NBEA: variants seen among roughly 807,000 people sequenced by gnomAD.
The protein encoded by NBEA is neurobeachin.
Under a neutral mutation model 343.4 loss-of-function variants are expected in NBEA, and 44 were observed. That is an observed-to-expected ratio of 0.13 (90% CI 0.10 to 0.16). The LOEUF (loss-of-function observed/expected upper bound fraction) is 0.16, where lower values mean the gene tolerates loss of function less well. Among genes scored for constraint, NBEA ranks in the 10% least tolerant of loss-of-function variants. NBEA has a pLI of 1.00. For synonymous variants in NBEA, 1,175 were observed against 1,238.7 expected (o/e 0.95, Z 1.08); for missense variants, 2,555 against 3,631.3 (o/e 0.70, Z 7.62).
At chr13:35,003,301 T>G (rs1286125223) in intron 1 of NBEA, among the ~76,000 whole-genome samples, 1 of 152,096 alleles carries the variant, frequency 6.6e-6, no homozygotes, top group Non-Finnish European at 1.5e-5. Context: ...GAGAATTGAT[T>G]ATGCGGTGCA....
intron 38 of NBEA, among the ~76,000 whole-genome samples, chr13:35,416,547 T>G (rs527884481): frequency 6.6e-6 from 1 of 152,310 alleles, no homozygotes; most frequent in East Asian, 1.9e-4. Context: ...TTTATTGATT[T>G]GGGTATGTTG....
At chr13:35,633,063 T>G (rs2083530876) in intron 49 of NBEA, among the ~76,000 whole-genome samples, 1 of 151,560 alleles carries the variant, frequency 6.6e-6, no homozygotes, top group African/African-American at 2.4e-5. Context: ...ACATTCCCAA[T>G]TAAAAACCAT....
intron 53 of NBEA, among the ~76,000 whole-genome samples, chr13:35,652,572 C>T (rs145268506): frequency 0.13 from 18,576 of 140,384 alleles, 1,317 homozygotes; most frequent in South Asian, 0.2. Context: ...ACCTGGGAGG[C>T]GGAGCTTGCA....
intron 33 of NBEA, among the ~76,000 whole-genome samples, chr13:35,226,509 A>T (rs919881374): frequency 1.3e-5 from 2 of 152,136 alleles, no homozygotes; most frequent in Non-Finnish European, 2.9e-5. Context: ...TGTTATTATT[A>T]CAATTTTCCT....
At chr13:35,444,305 C>G (rs1246072916) in intron 39 of NBEA, among the ~76,000 whole-genome samples, 1 of 151,950 alleles carries the variant, frequency 6.6e-6, no homozygotes, top group Non-Finnish European at 1.5e-5. Context: ...GGAAATTAAA[C>G]AGCACCATTT....
chr13:35,389,385 C>A (rs1377920470), intron 38 of NBEA, among the ~76,000 whole-genome samples: 1 of 152,058 alleles, frequency 6.6e-6, no homozygotes, highest in Non-Finnish European at 1.5e-5. Context: ...CTTTTTCCCC[C>A]TAAGGAAATA....
intron 41 of NBEA, among the ~76,000 whole-genome samples, chr13:35,521,281 AC>A (rs1180584186): frequency 1.3e-5 from 2 of 152,132 alleles, no homozygotes; most frequent in Non-Finnish European, 2.9e-5. Flanking sequence ...TTAGTCAAAA[AC>A]CCTGCAGGAA....
chr13:35,465,817 G>C (rs1180196080), intron 40 of NBEA, among the ~76,000 whole-genome samples: 2 of 148,788 alleles, frequency 1.3e-5, no homozygotes, highest in African/African-American at 4.9e-5. Context: ...TGCAGAAAAT[G>C]CAGCAGTTTT....
intron 6 of NBEA, among the ~76,000 whole-genome samples, chr13:35,050,841 T>G (rs1367115732): frequency 6.6e-6 from 1 of 151,986 alleles, no homozygotes; most frequent in African/African-American, 2.4e-5. Context: ...GAAGGTTTTG[T>G]TAATTTGTGA....
chr13:35,464,305 T>A (rs923259827), intron 40 of NBEA, among the ~76,000 whole-genome samples: 2 of 152,032 alleles, frequency 1.3e-5, no homozygotes, highest in Admixed American at 6.5e-5. Context: ...CCCTTACACA[T>A]CCTCATCTCT....
intron 38 of NBEA, among the ~76,000 whole-genome samples, chr13:35,414,170 A>G (rs1359076452): frequency 1.3e-5 from 2 of 152,168 alleles, no homozygotes; most frequent in African/African-American, 4.8e-5. Flanking sequence ...TAGGCATATC[A>G]TAGGATAACA....
chr13:35,259,963 A>G (rs2033056794), intron 34 of NBEA, among the ~76,000 whole-genome samples: 1 of 152,228 alleles, frequency 6.6e-6, no homozygotes, highest in Non-Finnish European at 1.5e-5. Context: ...CTTACTCAAC[A>G]TTGACAATCA....
intron 1 of NBEA, among the ~76,000 whole-genome samples, chr13:34,949,250 G>A (rs2059280047): frequency 6.6e-6 from 1 of 152,146 alleles, no homozygotes; most frequent in Non-Finnish European, 1.5e-5. Flanking sequence ...GACGGTTAAG[G>A]GGATAAGAGT....
rs1159542018 is a variant in NBEA, at chr13:35,110,860, T to C, written c.1884T>C (p.Ala628=). The part of the protein sequence containing the change: ...TYLSAEFIGT[A]TIYTTIRRVG... The stretch of plus-strand genomic sequence containing the variant: ...TGTCTGCTGAATTTATTGGAACTGC[T>C]ACCATCTACACCACCATACGCAGAG... Residue 628 remains alanine, a synonymous_variant, in exon 13 of 59, where the codon GCT becomes GCC. Coordinates refer to ENST00000379939, the MANE Select transcript of NBEA (RefSeq NM_001385012.1). 6.2e-7 allele frequency: 1 copy of C among 1,612,548 alleles called. No homozygotes were observed. The highest frequency in any genetic ancestry group is 8.5e-7 in the Non-Finnish European group (1 of 1,178,904).
intron 38 of NBEA, among the ~76,000 whole-genome samples, chr13:35,404,002 G>C (rs1375175310): frequency 1.5e-5 from 2 of 132,288 alleles, no homozygotes; most frequent in African/African-American, 5.1e-5. Context: ...ATGAAAAAAT[G>C]CTCATCATCA....
intron 22 of NBEA, among the ~76,000 whole-genome samples, chr13:35,161,298 G>A (rs2069541988): frequency 6.6e-6 from 1 of 152,128 alleles, no homozygotes; most frequent in Non-Finnish European, 1.5e-5. Context: ...TTGAAGTACT[G>A]TAAGTGAAAC....
chr13:35,048,010 G>C (rs2062926051), intron 4 of NBEA, among the ~76,000 whole-genome samples: 1 of 151,386 alleles, frequency 6.6e-6, no homozygotes, highest in Admixed American at 6.6e-5. Flanking sequence ...AATCCTTTTT[G>C]GTTATAAATA....
chr13:35,621,312 A>ATG (rs1422575797), intron 48 of NBEA, among the ~76,000 whole-genome samples: 1 of 152,156 alleles, frequency 6.6e-6, no homozygotes, highest in Non-Finnish European at 1.5e-5. Context: ...TGTTGAATGA[A>ATG]TGAATGCTCC....
chr13:35,442,089 T>C (rs2045769886), intron 39 of NBEA, among the ~76,000 whole-genome samples: 1 of 152,142 alleles, frequency 6.6e-6, no homozygotes, highest in Non-Finnish European at 1.5e-5. Flanking sequence ...ATGCTCATTA[T>C]AGGAAATACC....
Sources: gnomAD v4.1 joint callset for allele counts (sites outside exome capture counted in the v4.1 genomes callset) on GRCh38, gnomAD v4.1.1 for gene constraint, MANE v1.5 for transcripts, NCBI Gene and HGNC (gene_info 2026-07-23, HGNC 2026-07-21) for gene names.